The following IL1RAPL1 variants were observed in gnomAD, a reference collection of about 807,000 sequenced individuals.
IL1RAPL1 encodes interleukin 1 receptor accessory protein like 1.
In IL1RAPL1, 3 loss-of-function variants were observed where a neutral mutation model predicts 48.4. That is an observed-to-expected ratio of 0.06 (90% confidence interval 0.03 to 0.16). The LOEUF (loss-of-function observed/expected upper bound fraction) is 0.16. Among genes scored for constraint, IL1RAPL1 ranks in the 10% least tolerant of loss-of-function variants. The probability of loss-of-function intolerance (pLI) is 1.00; values close to 1 mark genes in which losing one functional copy is unlikely to be tolerated. For missense variants in IL1RAPL1, 349 were observed against 530.6 expected (o/e 0.66, Z 3.36); for synonymous variants, 185 against 187.7 (o/e 0.99, Z 0.12).
chrX:28,683,592 A>G (rs754469149), intron 1 of IL1RAPL1, among the ~76,000 whole-genome samples: 2 of 111,522 alleles, frequency 1.8e-5, no homozygotes, highest in African/African-American at 3.3e-5. Flanking sequence ...CTAGTTTCCT[A>G]TGGCTGCTGT....
At chrX:29,649,767 G>A (rs1254388662) in intron 5 of IL1RAPL1, among the ~76,000 whole-genome samples, 1 of 110,744 alleles carries the variant, frequency 9.0e-6, no homozygotes. Context: ...AGAGCAATTA[G>A]GCAAGGGAAA....
intron 2 of IL1RAPL1, among the ~76,000 whole-genome samples, chrX:29,277,638 G>A (rs570454842): frequency 1.8e-5 from 2 of 111,791 alleles, no homozygotes; most frequent in South Asian, 3.7e-4. Flanking sequence ...AGTGAGAGTC[G>A]CTCTCCCTAC....
chrX:29,010,625 A>G (rs1473592655), intron 2 of IL1RAPL1, among the ~76,000 whole-genome samples: 3 of 112,179 alleles, frequency 2.7e-5, no homozygotes, highest in African/African-American at 9.7e-5. Context: ...GATTTTAGTG[A>G]TTGATGTAAT....
intron 3 of IL1RAPL1, among the ~76,000 whole-genome samples, chrX:29,298,006 CAATT>C: frequency 8.9e-6 from 1 of 112,069 alleles, no homozygotes; most frequent in East Asian, 2.8e-4. Context: ...GATAAGCTAA[CAATT>C]AATTTACATT....
chrX:29,451,789 C>T (rs751407091), intron 5 of IL1RAPL1, among the ~76,000 whole-genome samples: 75 of 111,349 alleles, frequency 6.7e-4, no homozygotes, highest in African/African-American at 2.3e-3. Flanking sequence ...TTTGTCATTC[C>T]TCAGAACAAA....
chrX:29,133,087 C>T (rs1500724), intron 2 of IL1RAPL1, among the ~76,000 whole-genome samples: 22,444 of 110,187 alleles, frequency 0.2, 1,972 homozygotes, highest in African/African-American at 0.33. Flanking sequence ...ACATTTTTGG[C>T]TAGGTCAGAT....
chrX:29,197,108 A>T (rs953359794), intron 2 of IL1RAPL1, among the ~76,000 whole-genome samples: 4 of 111,134 alleles, frequency 3.6e-5, no homozygotes, highest in Admixed American at 9.7e-5. Context: ...TATAAAGCCT[A>T]AATATATGCG....
chrX:28,668,459 C>T (rs985872746), intron 1 of IL1RAPL1, among the ~76,000 whole-genome samples: 1 of 112,468 alleles, frequency 8.9e-6, no homozygotes, highest in East Asian at 2.8e-4. Flanking sequence ...AGGGTTACGC[C>T]GTGTTGGCCA....
rs764947079 is a variant in IL1RAPL1 at position 29,484,494 on chromosome X, A to G, written c.703+85186A>G. On this transcript the variant is annotated intron_variant, in intron 5 of 10. Transcript: ENST00000378993. ...ACACATTCACACCATAGCACACAAT[A>G]AACGAGCAAAAAATACTATATTAGA... Among the ~76,000 whole-genome samples, 4 of 112,228 alleles carry G rather than the reference A, an allele frequency of 3.6e-5. No individual in the cohort carries two copies. In the South Asian group the frequency reaches 1.1e-3, roughly 31 times the overall value.
chrX:28,680,787 G>T (rs1295879722), intron 1 of IL1RAPL1, among the ~76,000 whole-genome samples: 1 of 111,571 alleles, frequency 9.0e-6, no homozygotes, highest in Non-Finnish European at 1.9e-5. Flanking sequence ...AATCATCCTT[G>T]AATCTAAGGG....
At chrX:28,736,266 T>G (rs2146949517) in intron 1 of IL1RAPL1, among the ~76,000 whole-genome samples, 1 of 110,126 alleles carries the variant, frequency 9.1e-6, no homozygotes, top group Non-Finnish European at 1.9e-5. Flanking sequence ...ACCCCGTCTC[T>G]ACTAAAAAAT....
intron 2 of IL1RAPL1, among the ~76,000 whole-genome samples, chrX:29,190,836 A>G (rs944622205): frequency 8.9e-6 from 1 of 112,330 alleles, no homozygotes; most frequent in Non-Finnish European, 1.9e-5. Flanking sequence ...TGACCTTTAT[A>G]AACTTAATAA....
chrX:29,351,001 T>A (rs1233643197), intron 3 of IL1RAPL1, among the ~76,000 whole-genome samples: 2 of 111,715 alleles, frequency 1.8e-5, no homozygotes, highest in Non-Finnish European at 3.8e-5. Context: ...TGAACCTTAC[T>A]CTAATCTGCA....
chrX:29,668,061 A>G (rs1240492153), intron 5 of IL1RAPL1, among the ~76,000 whole-genome samples: 1 of 112,398 alleles, frequency 8.9e-6, no homozygotes, highest in Non-Finnish European at 1.9e-5. Context: ...TGCCACATAT[A>G]TCATGTGTAG....
At chrX:29,327,703 C>A (rs1300465241) in intron 3 of IL1RAPL1, among the ~76,000 whole-genome samples, 1 of 107,289 alleles carries the variant, frequency 9.3e-6, no homozygotes, top group African/African-American at 3.4e-5. Flanking sequence ...TTATTTAGCA[C>A]TAACATACTC....
chrX:28,825,982 A>T (rs1335368832), intron 2 of IL1RAPL1, among the ~76,000 whole-genome samples: 1 of 111,578 alleles, frequency 9.0e-6, no homozygotes, highest in Non-Finnish European at 1.9e-5. Context: ...TCATTGAAAT[A>T]CAAAATTATG....
At chrX:29,158,438 G>GA (rs763497769) in intron 2 of IL1RAPL1, among the ~76,000 whole-genome samples, 66 of 111,170 alleles carry the variant, frequency 5.9e-4, no homozygotes, top group African/African-American at 1.9e-3. Flanking sequence ...GCAGTGGCAC[G>GA]ATCTCCCTCA....
intron 2 of IL1RAPL1, among the ~76,000 whole-genome samples, chrX:29,001,046 T>C (rs1925839958): frequency 9.0e-6 from 1 of 110,771 alleles, no homozygotes; most frequent in African/African-American, 3.3e-5. Flanking sequence ...CTCTCACCTT[T>C]CTTTCCACTT....
chrX:29,653,901 C>CTTATTTATTTATTTAT (rs535604223), intron 5 of IL1RAPL1, among the ~76,000 whole-genome samples: 5 of 93,478 alleles, frequency 5.3e-5, no homozygotes, highest in Admixed American at 1.2e-4. Flanking sequence ...AATTAGGGCT[C>CTTATTTATTTATTTAT]TTATTTATTT....
Sources: allele counts gnomAD v4.1 joint callset (sites outside exome capture counted in the v4.1 genomes callset), GRCh38; gene constraint gnomAD v4.1.1; transcripts MANE v1.5; gene names NCBI Gene and HGNC (gene_info 2026-07-23, HGNC 2026-07-21).